The following CPHXL2 variants were observed in gnomAD, a reference collection of about 807,000 sequenced individuals.
CPHXL2 encodes the protein cytoplasmic polyadenylated homeobox-like protein 2.
the CPHXL2 span, chr16:75,669,679 A>G: frequency 1.0e-5 from 4 of 395,266 alleles, no homozygotes; most frequent in Non-Finnish European, 4.5e-6. Flanking sequence ...GTGACCTCAT[A>G]GCTACTCACA....
chr16:75,673,188 A>G, the CPHXL2 span, among the ~76,000 whole-genome samples: 1 of 151,882 alleles, frequency 6.6e-6, no homozygotes, highest in Admixed American at 6.6e-5. Context: ...TAATCCCAGC[A>G]CTTTGGGAGG....
the CPHXL2 span, chr16:75,661,259 A>G: frequency 2.5e-6 from 1 of 400,808 alleles, no homozygotes; most frequent in African/African-American, 2.0e-5. Flanking sequence ...TCTAAAGGGA[A>G]AAGATAATAT....
chr16:75,664,634 A>ATCATC, the CPHXL2 span, among the ~76,000 whole-genome samples: 1 of 150,800 alleles, frequency 6.6e-6, no homozygotes, highest in African/African-American at 2.5e-5. Flanking sequence ...TCAAAAAAAA[A>ATCATC]AAAAAAAAGA....
chr16:75,673,349 T>C, the CPHXL2 span, among the ~76,000 whole-genome samples: 2 of 151,662 alleles, frequency 1.3e-5, no homozygotes, highest in Non-Finnish European at 2.9e-5. Context: ...GTGGGAAGTT[T>C]CCTTTAGCCT....
chr16:75,671,822 GT>G, the CPHXL2 span, among the ~76,000 whole-genome samples: 2 of 152,228 alleles, frequency 1.3e-5, no homozygotes, highest in African/African-American at 4.8e-5. Context: ...AGTACAAAGT[GT>G]GACTGAAAAA....
At chr16:75,670,684 T>G in the CPHXL2 span, among the ~76,000 whole-genome samples, 1 of 152,004 alleles carries the variant, frequency 6.6e-6, no homozygotes, top group Admixed American at 6.6e-5. Context: ...TTAGCAGAAA[T>G]GAGGTTTCCC....
At chr16:75,673,075 C>CAAAAAAAAAAAAAAAAA in the CPHXL2 span, among the ~76,000 whole-genome samples, 2 of 73,176 alleles carry the variant, frequency 2.7e-5, no homozygotes, top group Non-Finnish European at 5.0e-5. Context: ...GACCTTGTCT[C>CAAAAAAAAAAAAAAAAA]AAAAAAAAAA....
chr16:75,668,244 T>G, the CPHXL2 span, among the ~76,000 whole-genome samples: 1 of 151,056 alleles, frequency 6.6e-6, no homozygotes, highest in Non-Finnish European at 1.5e-5. Flanking sequence ...TTTTTTTTTT[T>G]TTGAGACAGA....
chr16:75,665,239 C>T, the CPHXL2 span, among the ~76,000 whole-genome samples: 588 of 152,264 alleles, frequency 3.9e-3, 4 homozygotes, highest in African/African-American at 0.013. Flanking sequence ...GAGACAAAAG[C>T]ACCAGAAAAC....
At chr16:75,660,706 G>C in the CPHXL2 span, 2 of 398,556 alleles carry the variant, frequency 5.0e-6, no homozygotes, top group Non-Finnish European at 8.8e-6. Flanking sequence ...AAAAGGAAGG[G>C]ACTTGCATGC....
At chr16:75,666,660 C>T in the CPHXL2 span, among the ~76,000 whole-genome samples, 14 of 149,704 alleles carry the variant, frequency 9.4e-5, no homozygotes, top group South Asian at 6.4e-4. Context: ...TCACTGACAG[C>T]GCTAGACAGG....
chr16:75,673,735 T>G, the CPHXL2 span, among the ~76,000 whole-genome samples: 1 of 151,936 alleles, frequency 6.6e-6, no homozygotes, highest in Non-Finnish European at 1.5e-5. Context: ...CCCAGCAATT[T>G]GGGAGGCCAA....
the CPHXL2 span, among the ~76,000 whole-genome samples, chr16:75,672,815 T>G: frequency 1.3e-5 from 2 of 151,986 alleles, no homozygotes; most frequent in Non-Finnish European, 2.9e-5. Context: ...GAGGCTGATG[T>G]GGGCAGACTG....
the CPHXL2 span, among the ~76,000 whole-genome samples, chr16:75,672,064 G>A: frequency 6.6e-6 from 1 of 151,096 alleles, no homozygotes; most frequent in African/African-American, 2.4e-5. Context: ...TTGAGGTCAA[G>A]AGTTCGAAAC....
the CPHXL2 span, among the ~76,000 whole-genome samples, chr16:75,670,256 T>G: frequency 6.6e-5 from 10 of 152,082 alleles, no homozygotes; most frequent in African/African-American, 1.4e-4. Flanking sequence ...GAAGAATATT[T>G]TATTATTTCA....
chr16:75,661,095 C>G, the CPHXL2 span: 3 of 400,708 alleles, frequency 7.5e-6, no homozygotes, highest in South Asian at 3.8e-4. Flanking sequence ...ACAGGAAAAA[C>G]TCTGCTCTGT....
the CPHXL2 span, among the ~76,000 whole-genome samples, chr16:75,663,553 G>A: frequency 6.6e-6 from 1 of 152,014 alleles, no homozygotes; most frequent in Non-Finnish European, 1.5e-5. Flanking sequence ...CTTTCTTTTG[G>A]GATTACTGAT....
the CPHXL2 span, among the ~76,000 whole-genome samples, chr16:75,668,719 A>G: frequency 6.6e-6 from 1 of 152,310 alleles, no homozygotes; most frequent in East Asian, 1.9e-4. Flanking sequence ...CACAAATGCT[A>G]CATAAGTAGT....
chr16:75,673,075 C>CAAAAAAAAAAAAAAA, the CPHXL2 span, among the ~76,000 whole-genome samples: 12 of 73,096 alleles, frequency 1.6e-4, no homozygotes, highest in East Asian at 3.8e-4. Context: ...GACCTTGTCT[C>CAAAAAAAAAAAAAAA]AAAAAAAAAA....
Sources: gnomAD v4.1 joint callset for allele counts (sites outside exome capture counted in the v4.1 genomes callset) on GRCh38, gnomAD v4.1.1 for gene constraint, MANE v1.5 for transcripts, NCBI Gene and HGNC (gene_info 2026-07-23, HGNC 2026-07-21) for gene names.